The following ROBO1 variants were observed in gnomAD, a reference collection of about 807,000 sequenced individuals.
The protein encoded by ROBO1 is roundabout guidance receptor 1.
ROBO1 carries 149 observed loss-of-function variants against 195.9 expected under a neutral mutation model. The ratio of observed to expected loss-of-function variants is 0.76; its 90% CI spans 0.67 to 0.87. The LOEUF (loss-of-function observed/expected upper bound fraction) is 0.87, where lower values mean the gene tolerates loss of function less well. Ranked by LOEUF, ROBO1 falls within the 40% of genes least tolerant of loss-of-function variation. The probability of loss-of-function intolerance (pLI) is 0.00; values close to 1 mark genes in which losing one functional copy is unlikely to be tolerated. For synonymous variants in ROBO1, 816 were observed against 733.2 expected (o/e 1.11, Z -1.82); for missense variants, 1,933 against 2,068.3 (o/e 0.93, Z 1.27).
At chr3:79,518,714 C>T (rs1002582282) in intron 2 of ROBO1, among the ~76,000 whole-genome samples, 5 of 151,820 alleles carry the variant, frequency 3.3e-5, no homozygotes, top group African/African-American at 1.2e-4. Flanking sequence ...GAATTTTGCT[C>T]TTGTTGCCCA....
At chr3:78,661,946 C>CT (rs1331778160) in intron 15 of ROBO1, 47 bp downstream of exon 15, 7 of 1,583,062 alleles carry the variant, frequency 4.4e-6, no homozygotes, top group Non-Finnish European at 6.0e-6. Context: ...TTGCAATGAT[C>CT]TCGCAGACGC....
At chr3:79,364,729 T>C (rs1231136618) in intron 2 of ROBO1, among the ~76,000 whole-genome samples, 1 of 152,134 alleles carries the variant, frequency 6.6e-6, no homozygotes, top group African/African-American at 2.4e-5. Flanking sequence ...ACTTTTATTA[T>C]CAAAAAAGGC....
chr3:78,823,888 G>GTGTA lies in ROBO1; in HGVS notation c.500-76992_500-76989dup, dbSNP rs1172799243. Among the ~76,000 whole-genome samples the GTGTA allele has an allele frequency of 5.9e-5, 9 of 152,044 alleles. No homozygotes were observed. The East Asian group carries it at 7.7e-4, about 13-fold the overall frequency. On this transcript the variant is annotated intron_variant, in intron 4 of 30. Coordinates refer to ENST00000464233, the MANE Select transcript of ROBO1 (RefSeq NM_002941.4). ...AAATTTTGTCACTGTGTGTGTGTGT[G>GTGTA]TGTATGTATGTATGTGGCACATGAG... is the stretch of plus-strand genomic sequence containing the variant.
chr3:78,835,472 G>A (rs1273834430), intron 4 of ROBO1, among the ~76,000 whole-genome samples: 1 of 152,090 alleles, frequency 6.6e-6, no homozygotes, highest in Admixed American at 6.6e-5. Context: ...GTCTCCAAAT[G>A]AAAATAAGTA....
chr3:78,613,723 G>A (rs1413852382), intron 28 of ROBO1, among the ~76,000 whole-genome samples: 1 of 152,188 alleles, frequency 6.6e-6, no homozygotes, highest in Non-Finnish European at 1.5e-5. Flanking sequence ...ATCATAGGGA[G>A]AAGTACCTCA....
At chr3:78,605,971 A>C (rs1011597035) in intron 29 of ROBO1, among the ~76,000 whole-genome samples, 2 of 152,102 alleles carry the variant, frequency 1.3e-5, no homozygotes, top group African/African-American at 2.4e-5. Context: ...CAGTGCTTTC[A>C]TATTTTATAC....
At chr3:78,912,508 C>A (rs1208501990) in intron 4 of ROBO1, among the ~76,000 whole-genome samples, 1 of 152,108 alleles carries the variant, frequency 6.6e-6, no homozygotes, top group Non-Finnish European at 1.5e-5. Flanking sequence ...TGCTGCCTAC[C>A]ATTAAATATT....
intron 4 of ROBO1, among the ~76,000 whole-genome samples, chr3:78,822,708 A>G: frequency 6.6e-6 from 1 of 152,232 alleles, no homozygotes; most frequent in South Asian, 2.1e-4. Flanking sequence ...TTCTGGTCCA[A>G]CTTAATGTCT....
At chr3:79,313,562 C>T (rs1186448159) in intron 2 of ROBO1, among the ~76,000 whole-genome samples, 1 of 152,202 alleles carries the variant, frequency 6.6e-6, no homozygotes, top group African/African-American at 2.4e-5. Context: ...GATTCGAGTA[C>T]TTCTTAATAT....
chr3:79,722,060 G>A (rs1311605951), intron 1 of ROBO1, among the ~76,000 whole-genome samples: 1 of 152,178 alleles, frequency 6.6e-6, no homozygotes, highest in Non-Finnish European at 1.5e-5. Context: ...CACTGGGCAA[G>A]TCAGGAAGAT....
chr3:79,687,638 A>G lies in ROBO1; in HGVS notation c.-51+80114T>C, dbSNP rs537656117. Among the ~76,000 whole-genome samples, 5 of 152,318 alleles carry G rather than the reference A, an allele frequency of 3.3e-5. No individual in the cohort carries two copies. In the South Asian group the frequency reaches 8.3e-4, roughly 25 times the overall value. On this transcript the variant is annotated intron_variant, in intron 1 of 30. Coordinates refer to ENST00000464233, the MANE Select transcript of ROBO1 (RefSeq NM_002941.4). The stretch of plus-strand genomic sequence containing the variant: ...GAAAAAATGCTCATCATCACTGGCC[A>G]TCAAAGAAATGCAAATCAAAACCAC...
At chr3:78,846,164 A>G (rs2033659369) in intron 4 of ROBO1, among the ~76,000 whole-genome samples, 2 of 152,170 alleles carry the variant, frequency 1.3e-5, no homozygotes, top group African/African-American at 4.8e-5. Context: ...ATTACAAACA[A>G]AACTGCAACA....
rs1559772920 is a variant in ROBO1, at chr3:78,711,360, TTCCTTCCTTCCTTCCTTCCTTC to T, written c.1045+3015_1045+3036del. Among the ~76,000 whole-genome samples the T allele has an allele frequency of 1.6e-4, 6 of 38,084 alleles. 1 individual carries two copies. The highest frequency in any genetic ancestry group is 3.8e-4 in the African/African-American group (2 of 5,244). The allele number at this position is 38,084 out of a possible 152,430, so 25.0% of individuals were successfully genotyped here. A position where few individuals can be genotyped will look rare whatever the true frequency, so the allele number is the denominator to read the frequency against. ...CCTTCCTTCCTTCCTCCTTCCTTCCTTCCTTCCTTCCTTCCTTCCTTCCTTCCTTCCTTCCTTCCTTTCTTTC... is the reference window on the plus strand; with the variant it reads ...CCTTCCTTCCTTCCTCCTTCCTTCCTCTTCCTTCCTTCCTTCCTTTCTTTC... On this transcript the variant is annotated intron_variant, in intron 8 of 30. Coordinates refer to ENST00000464233, the MANE Select transcript of ROBO1 (RefSeq NM_002941.4).
chr3:79,682,314 T>A (rs1298363262), intron 1 of ROBO1, among the ~76,000 whole-genome samples: 1 of 151,970 alleles, frequency 6.6e-6, no homozygotes, highest in Non-Finnish European at 1.5e-5. Flanking sequence ...GAGAAAGACC[T>A]GTGGCTGCGT....
intron 1 of ROBO1, among the ~76,000 whole-genome samples, chr3:79,596,430 T>C (rs1229816189): frequency 6.6e-6 from 1 of 151,984 alleles, no homozygotes; most frequent in African/African-American, 2.4e-5. Context: ...TCTGTTGAAG[T>C]TGCACAAGTC....
At chr3:79,668,011 T>C (rs1287843289) in intron 1 of ROBO1, among the ~76,000 whole-genome samples, 2 of 151,824 alleles carry the variant, frequency 1.3e-5, no homozygotes, top group East Asian at 1.9e-4. Context: ...AATATTTCTA[T>C]AGCACCTTCG....
chr3:79,029,920 C>T (rs1019083573), intron 3 of ROBO1, among the ~76,000 whole-genome samples: 6 of 151,478 alleles, frequency 4.0e-5, no homozygotes, highest in Non-Finnish European at 7.4e-5. Flanking sequence ...CTTGTAAACG[C>T]AACAGTGGAA....
intron 1 of ROBO1, among the ~76,000 whole-genome samples, chr3:79,688,691 T>C (rs1011825681): frequency 6.6e-6 from 1 of 152,108 alleles, no homozygotes; most frequent in Non-Finnish European, 1.5e-5. Context: ...AGAATTTTAT[T>C]TGGATTAATT....
intron 25 of ROBO1, among the ~76,000 whole-genome samples, chr3:78,630,183 G>A (rs972186169): frequency 2.0e-5 from 3 of 152,200 alleles, no homozygotes; most frequent in African/African-American, 2.4e-5. Context: ...ACAAGGTTAT[G>A]TATTGGTCAG....
Sources: gnomAD v4.1 joint callset for allele counts (sites outside exome capture counted in the v4.1 genomes callset) on GRCh38, gnomAD v4.1.1 for gene constraint, MANE v1.5 for transcripts, NCBI Gene and HGNC (gene_info 2026-07-23, HGNC 2026-07-21) for gene names.